USP34: variants seen among roughly 807,000 people sequenced by gnomAD.
USP34 encodes ubiquitin specific peptidase 34.
USP34 carries 70 observed loss-of-function variants against 460.3 expected under a neutral mutation model. The observed-to-expected ratio is 0.15, with a 90% confidence interval of 0.13 to 0.19. The LOEUF (loss-of-function observed/expected upper bound fraction) is 0.19. Among genes scored for constraint, USP34 ranks in the 10% least tolerant of loss-of-function variants. The pLI, the probability that USP34 is intolerant of heterozygous loss-of-function variation, is 1.00. For synonymous variants in USP34, 1,647 were observed against 1,405.3 expected (o/e 1.17, Z -3.85); for missense variants, 3,985 against 4,236.2 (o/e 0.94, Z 1.65).
chr2:61,395,724 T>C (rs1693499904), intron 3 of USP34, among the ~76,000 whole-genome samples: 1 of 140,204 alleles, frequency 7.1e-6, no homozygotes, highest in Non-Finnish European at 1.5e-5. Flanking sequence ...AGGCGGAGCT[T>C]GCAGTGAGCG....
At chr2:61,445,178 C>G (rs2694624) in intron 1 of USP34, among the ~76,000 whole-genome samples, 4 of 136,532 alleles carry the variant, frequency 2.9e-5, no homozygotes, top group Admixed American at 1.6e-4. Context: ...CACACACACA[C>G]AAAAAAATGC....
At chr2:61,220,656 T>C (rs543942771) in intron 66 of USP34, among the ~76,000 whole-genome samples, 199 bp from the exon 67 acceptor site, 3 of 152,214 alleles carry the variant, frequency 2.0e-5, no homozygotes, top group Non-Finnish European at 4.4e-5. Context: ...GAAAAATATG[T>C]CACTGGTTTA....
chr2:61,337,554 A>G (rs1379605317), intron 18 of USP34, among the ~76,000 whole-genome samples: 2 of 152,166 alleles, frequency 1.3e-5, no homozygotes, highest in Admixed American at 1.3e-4. Context: ...CCCCAGGCAC[A>G]AGCAATCCTC....
At chr2:61,273,917 GA>G (rs908509675) in intron 41 of USP34, among the ~76,000 whole-genome samples, 2 of 151,900 alleles carry the variant, frequency 1.3e-5, no homozygotes, top group African/African-American at 4.8e-5. Context: ...GTACATATCT[GA>G]AAAAAAGTTA....
rs759703629 is a variant in USP34, at chr2:61,333,967, C to T, written c.2749G>A (p.Val917Ile). Reference sequence around the variant, plus strand: ...GGAAGAAGACGAAGTGAAATTACTACTGATCTGAAACAGCAGAAACATTCA... The same window carrying T: ...GGAAGAAGACGAAGTGAAATTACTATTGATCTGAAACAGCAGAAACATTCA... ...CLENLGNNRSVVISLRLLPKL... is the reference protein window; with the variant it reads ...CLENLGNNRSIVISLRLLPKL... Residue 917 changes from valine to isoleucine, a missense_variant, in exon 19 of 80, where the codon GTA becomes ATA. Around this residue, in one of 14 missense-constraint regions of USP34, gnomAD observed 46 missense variants for 83.1 expected, o/e 0.55. Coordinates refer to ENST00000398571, the MANE Select transcript of USP34 (RefSeq NM_014709.4). 6.3e-7 allele frequency: 1 copy of T among 1,576,848 alleles called. No individual in the cohort carries two copies. The highest frequency in any genetic ancestry group is 8.6e-7 in the Non-Finnish European group (1 of 1,164,288).
chr2:61,197,779 G>A (rs962781315), intron 75 of USP34, among the ~76,000 whole-genome samples: 6 of 151,562 alleles, frequency 4.0e-5, no homozygotes, highest in Non-Finnish European at 8.8e-5. Context: ...TTGGTGGGGG[G>A]AACAGAGTCT....
At chr2:61,346,223 C>G (rs1691762763) in intron 15 of USP34, 1 of 151,794 alleles carries the variant, frequency 6.6e-6, no homozygotes, top group Non-Finnish European at 1.5e-5. Flanking sequence ...ACACATAAAA[C>G]ATGGTAGGTC....
At chr2:61,252,261 G>C (rs531330714) in intron 48 of USP34, among the ~76,000 whole-genome samples, 1 of 152,134 alleles carries the variant, frequency 6.6e-6, no homozygotes, top group East Asian at 1.9e-4. Context: ...CCCTATATAA[G>C]TTACTTAACC....
intron 1 of USP34, among the ~76,000 whole-genome samples, chr2:61,469,544 C>A (rs1382399919): frequency 1.3e-5 from 2 of 152,154 alleles, no homozygotes; most frequent in Admixed American, 6.6e-5. Flanking sequence ...AGTTAGAACC[C>A]TTCCACTTTT....
chr2:61,304,498 C>A (rs748592633), intron 27 of USP34, among the ~76,000 whole-genome samples: 1 of 152,136 alleles, frequency 6.6e-6, no homozygotes, highest in South Asian at 2.1e-4. Context: ...GGAGGTGGGA[C>A]CTTTTGGAGG....
At chr2:61,214,015 C>G in intron 68 of USP34, 45 bp downstream of exon 68, 1 of 1,604,276 alleles carries the variant, frequency 6.2e-7, no homozygotes, top group South Asian at 1.1e-5. Flanking sequence ...CAGGTATTTC[C>G]AATCTATTTG....
chr2:61,441,362 C>G (rs1470759360), intron 1 of USP34, among the ~76,000 whole-genome samples: 1 of 152,040 alleles, frequency 6.6e-6, no homozygotes, highest in Non-Finnish European at 1.5e-5. Flanking sequence ...TTCTGCGCCC[C>G]ACCTCCCAGC....
At chr2:61,453,931 G>A (rs1359231285) in intron 1 of USP34, among the ~76,000 whole-genome samples, 1 of 151,630 alleles carries the variant, frequency 6.6e-6, no homozygotes, top group South Asian at 2.1e-4. Flanking sequence ...TAGAAACAGG[G>A]TTTCATCATG....
chr2:61,415,267 G>A (rs1694161162), intron 2 of USP34, among the ~76,000 whole-genome samples: 1 of 151,990 alleles, frequency 6.6e-6, no homozygotes, highest in South Asian at 2.1e-4. Context: ...CCAGGGGTGG[G>A]GGGATAAAAG....
Position 61,236,367 on chromosome 2 carries a change from T to C in USP34, c.6800A>G (p.Gln2267Arg). Reference protein sequence around the residue: ...LLEWIWHDNMQFLQDKNIFEH... With the variant: ...LLEWIWHDNMRFLQDKNIFEH... ...AAAAATGTTTTTGTCTTGAAGAAAC[T>C]GCATGTTATCATGCCAAATCCACTG... The change falls in exon 54 of 80, where the codon CAG (glutamine) becomes CGG (arginine). Residue 2267 changes from glutamine (Q) to arginine (R), a missense_variant. Around this residue, in one of 14 missense-constraint regions of USP34, gnomAD observed 604 missense variants for 684.8 expected, o/e 0.88. Transcript: ENST00000398571. The C allele has an allele frequency of 6.2e-7, 1 of 1,603,820 alleles. No homozygotes were observed. Among genetic ancestry groups the C allele is most frequent in the Non-Finnish European group, 8.5e-7 (1 of 1,175,826 alleles).
rs554239618 is a variant in USP34, at chr2:61,453,392, C to A, written c.43+17258G>T. Among the ~76,000 whole-genome samples, 6 of 151,568 alleles carry A rather than the reference C, an allele frequency of 4.0e-5. No individual in the cohort carries two copies. In the South Asian group the frequency reaches 1.3e-3, roughly 32 times the overall value. On this transcript the variant is annotated intron_variant, in intron 1 of 79. Transcript: ENST00000398571. Reference sequence around the variant, plus strand: ...TCACGCCACTGTACTCCAGCATAGACGACAGAGTAAGACCCTGTCTCAAAA... The same window carrying A: ...TCACGCCACTGTACTCCAGCATAGAAGACAGAGTAAGACCCTGTCTCAAAA...
chr2:61,344,321 A>T (rs1301581579), intron 15 of USP34, among the ~76,000 whole-genome samples: 1 of 152,234 alleles, frequency 6.6e-6, no homozygotes, highest in Non-Finnish European at 1.5e-5. Flanking sequence ...TTTACATATT[A>T]TTTTATACTC....
chr2:61,211,952 A>C (rs375583956), intron 68 of USP34, 23 bp from the exon 69 acceptor site: 52 of 1,591,686 alleles, frequency 3.3e-5, no homozygotes, highest in Non-Finnish European at 4.2e-5. Context: ...AATAAGCCAT[A>C]TGATCTTTTA....
intron 58 of USP34, among the ~76,000 whole-genome samples, chr2:61,230,861 A>C (rs12463885): frequency 0.37 from 54,998 of 147,942 alleles, 10,386 homozygotes; most frequent in Non-Finnish European, 0.39. Context: ...AAAAAAAACA[A>C]AACACAAAAA....
Sources: allele counts gnomAD v4.1 joint callset (sites outside exome capture counted in the v4.1 genomes callset), GRCh38; gene constraint gnomAD v4.1.1; regional missense constraint gnomAD v4.1.1; transcripts MANE v1.5; gene names NCBI Gene and HGNC (gene_info 2026-07-23, HGNC 2026-07-21).